The following USB1 variants were observed in gnomAD, a reference collection of about 807,000 sequenced individuals.
USB1 encodes U6 snRNA biogenesis phosphodiesterase 1.
In USB1, 21 loss-of-function variants were observed where a neutral mutation model predicts 29.9. The ratio of observed to expected loss-of-function variants is 0.70; its 90% CI spans 0.50 to 1.01. The LOEUF (loss-of-function observed/expected upper bound fraction) is 1.01, where lower values mean the gene tolerates loss of function less well. Ranked by LOEUF, USB1 falls within the 50% of genes least tolerant of loss-of-function variation. USB1 has a pLI of 0.00. For missense variants in USB1, 330 were observed against 347.1 expected (o/e 0.95, Z 0.39); for synonymous variants, 143 against 134.9 (o/e 1.06, Z -0.42).
At chr16:58,001,322 A>G, upstream of USB1, 1 of 814,292 alleles carries the variant, frequency 1.2e-6, no homozygotes, top group East Asian at 2.7e-5. Context: ...CGGTGGGCTG[A>G]ATCTTCACCA....
upstream of USB1, chr16:58,001,307 G>C (rs371393837): frequency 1.4e-5 from 10 of 734,540 alleles, no homozygotes; most frequent in South Asian, 1.5e-4. Context: ...CAGACAGCTT[G>C]GAGTCGGTGG....
In USB1 at chr16:58,001,567, T is replaced by C; in HGVS notation, c.84T>C (p.Asp28=). 6.2e-7 allele frequency: 1 copy of C among 1,608,020 alleles called. No homozygotes were observed. The highest frequency in any genetic ancestry group is 1.1e-5 in the South Asian group (1 of 90,064). The change falls in exon 1 of 7, where the codon GAT becomes GAC. Residue 28 remains aspartate (D), a synonymous_variant. Transcript: ENST00000219281. ...ACGGGATGCGGACCAGGCCGGGGGA[T>C]GGGAGCCACCGTCGGTGAGGAGTGA... ...SEDGMRTRPG[D]GSHRRGQSPL...
chr16:58,019,017 C>G lies in USB1; in HGVS notation c.655C>G (p.Arg219Gly). Reference sequence around the variant, plus strand: ...CCTGGCCTGGTGTGTGGGTGATGCACGTCTCCAGCTGGAGGGGCAGTGCCT... The same window carrying G: ...CCTGGCCTGGTGTGTGGGTGATGCAGGTCTCCAGCTGGAGGGGCAGTGCCT... ...LSLAWCVGDA[R>G]LQLEGQCLQE... The change falls in exon 6 of 7, where the codon CGT becomes GGT. Residue 219 changes from arginine (R) to glycine (G), a missense_variant. Coordinates refer to ENST00000219281, the MANE Select transcript of USB1 (RefSeq NM_024598.4). The G allele has an allele frequency of 1.2e-6, 2 of 1,614,172 alleles. No homozygotes were observed. Among genetic ancestry groups the G allele is most frequent in the South Asian group, 1.1e-5 (1 of 91,076 alleles).
upstream of USB1, chr16:58,000,413 G>T (rs1214458920): frequency 3.3e-5 from 5 of 150,264 alleles, no homozygotes; most frequent in African/African-American, 1.2e-4. The surrounding 1 kb of genome is among the most constrained non-coding windows in gnomAD (Gnocchi z 4.5). Flanking sequence ...GCTCCAGGCC[G>T]CCTGCAGGGC....
At chr16:58,008,902 C>T (rs942634671) in intron 2 of USB1, among the ~76,000 whole-genome samples, 5 of 151,862 alleles carry the variant, frequency 3.3e-5, no homozygotes, top group Non-Finnish European at 7.4e-5. Context: ...TTCTTTGATC[C>T]GTGTGTTATT....
chr16:58,012,878 T>G, intron 3 of USB1: 2 of 987,070 alleles, frequency 2.0e-6, no homozygotes, highest in Non-Finnish European at 2.4e-6. Flanking sequence ...AGTCCCTTGC[T>G]GGGACTTAGG....
At chr16:58,000,901 C>G (rs1567415048), upstream of USB1, among the ~76,000 whole-genome samples, 1 of 152,328 alleles carries the variant, frequency 6.6e-6, no homozygotes, top group East Asian at 1.9e-4. This position sits in a 1 kb window ranked among gnomAD's most constrained non-coding sequence, Gnocchi z 4.5. Context: ...TCCGGCCACC[C>G]CGCTCGGGCT....
At chr16:58,009,290 T>G (rs1018395040) in intron 2 of USB1, among the ~76,000 whole-genome samples, 3 of 152,164 alleles carry the variant, frequency 2.0e-5, no homozygotes, top group African/African-American at 7.2e-5. Context: ...AATTTTCCCC[T>G]TCCTAGGTGG....
At chr16:58,002,746 C>T (rs1024369074) in intron 2 of USB1, 101 bp downstream of exon 2, 19 of 1,486,966 alleles carry the variant, frequency 1.3e-5, no homozygotes, top group Middle Eastern at 2.3e-4. Flanking sequence ...AACCAGAAAC[C>T]TCTAACACTG....
chr16:58,016,231 G>C (rs191276441), intron 4 of USB1: 5 of 152,346 alleles, frequency 3.3e-5, no homozygotes, highest in African/African-American at 1.2e-4. Context: ...CAATGGGTTG[G>C]ATTTATGTGA....
In USB1 at chr16:58,001,448, T is replaced by A; in HGVS notation, c.-36T>A. On this transcript the variant is annotated 5_prime_UTR_variant, in exon 1 of 7. Coordinates refer to ENST00000219281, the MANE Select transcript of USB1 (RefSeq NM_024598.4). The stretch of plus-strand genomic sequence containing the variant: ...AACTCCGGGTGCCGGTTGAGGTTGC[T>A]GGTGGACCTGCTCTGGTGGTCTTGG... The A allele has an allele frequency of 6.4e-7, 1 of 1,572,084 alleles. No homozygotes were observed. The highest frequency in any genetic ancestry group is 8.6e-7 in the Non-Finnish European group (1 of 1,159,692).
At position 58,019,001 on chromosome 16, in the gene USB1, G is replaced by A. The variant is rs750851175; in HGVS notation, c.639G>A (p.Trp213Ter). The A allele has an allele frequency of 1.2e-6, 2 of 1,614,192 alleles. No individual in the cohort carries two copies. The highest frequency in any genetic ancestry group is 1.3e-5 in the African/African-American group (1 of 75,054). The change falls in exon 6 of 7, where the codon TGG becomes TGA. Residue 213 changes from tryptophan to a stop codon, truncating the protein, a stop_gained. Transcript: ENST00000219281. LOFTEE classifies it high-confidence loss of function. The part of the protein sequence containing the change: ...QDPSFHLSLA[W>*]CVGDARLQLE... ...CTTCTTTCCACCTCAGCCTGGCCTGGTGTGTGGGTGATGCACGTCTCCAGC... is the reference window on the plus strand; with the variant it reads ...CTTCTTTCCACCTCAGCCTGGCCTGATGTGTGGGTGATGCACGTCTCCAGC...
At chr16:58,009,602 G>A (rs190916043) in intron 2 of USB1, among the ~76,000 whole-genome samples, 1,631 of 151,734 alleles carry the variant, frequency 0.011, 16 homozygotes, top group Admixed American at 0.022. Flanking sequence ...GCGGGCGCCC[G>A]TAGTCCCAGC....
At chr16:58,017,526 C>A in intron 5 of USB1, 87 bp downstream of exon 5, 1 of 1,251,560 alleles carries the variant, frequency 8.0e-7, no homozygotes, top group Non-Finnish European at 1.2e-6. Context: ...AGAGGCAAAC[C>A]GAAGACCCTT....
chr16:58,010,855 G>A (rs1963476600), intron 3 of USB1: 1 of 612,998 alleles, frequency 1.6e-6, no homozygotes, highest in Non-Finnish European at 2.9e-6. Flanking sequence ...ATCACCAAGG[G>A]AAGCTCCTCA....
chr16:58,004,792 C>T (rs1963312532), intron 2 of USB1, among the ~76,000 whole-genome samples: 1 of 152,020 alleles, frequency 6.6e-6, no homozygotes, highest in East Asian at 1.9e-4. Flanking sequence ...TCCCTGTGTG[C>T]GGAGACGAGA....
At chr16:58,003,232 C>T (rs1194406193) in intron 2 of USB1, among the ~76,000 whole-genome samples, 1 of 152,174 alleles carries the variant, frequency 6.6e-6, no homozygotes, top group Non-Finnish European at 1.5e-5. Flanking sequence ...TGAGACCAGC[C>T]TCGGCAACAG....
intron 3 of USB1, chr16:58,011,896 A>G (rs1344616052): frequency 2.0e-6 from 2 of 1,003,736 alleles, no homozygotes; most frequent in Non-Finnish European, 2.4e-6. Context: ...GAGGGAGCCT[A>G]GAGAATATCT....
rs1479441034 is a variant in USB1 at position 58,020,796 on chromosome 16, T to C, written c.*551T>C. The C allele has an allele frequency of 1.7e-5, 3 of 177,532 alleles. No homozygotes were observed. Among genetic ancestry groups the C allele is most frequent in the Non-Finnish European group, 3.7e-5 (3 of 82,152 alleles). The allele number at this position is 177,532 out of a possible 1,614,324, so 11.0% of individuals were successfully genotyped here. ...TCTTCTCTCTCTCCTGTCTCGGCTG[T>C]TGTGGGTTGCAGGTTGGGTGCTGCT... On this transcript the variant is annotated 3_prime_UTR_variant, in exon 7 of 7. Transcript: ENST00000219281.
Sources: gnomAD v4.1 joint callset for allele counts (sites outside exome capture counted in the v4.1 genomes callset) on GRCh38, gnomAD v4.1.1 for gene constraint, Gnocchi (gnomAD v3.1) non-coding constraint, MANE v1.5 for transcripts, NCBI Gene and HGNC (gene_info 2026-07-23, HGNC 2026-07-21) for gene names.